SPATA6: variants seen among roughly 807,000 people sequenced by gnomAD.
The protein encoded by SPATA6 is spermatogenesis associated 6, also known as spermatogenesis-associated protein 6.
SPATA6 carries 56 observed loss-of-function variants against 65.3 expected under a neutral mutation model. The ratio of observed to expected loss-of-function variants is 0.86; its 90% CI spans 0.69 to 1.07. The LOEUF is 1.07. SPATA6 is among the 50% of genes least tolerant of loss of function. SPATA6 has a pLI of 0.00. For synonymous variants in SPATA6, 199 were observed against 213.2 expected, an observed-to-expected ratio of 0.93 and a Z score of 0.58; for missense variants, 590 against 594.8, an observed-to-expected ratio of 0.99 and a Z score of 0.08.
intron 12 of SPATA6, 128 bp from the exon 13 acceptor site, chr1:48,299,021 A>G: frequency 1.1e-6 from 1 of 878,146 alleles, no homozygotes; most frequent in Non-Finnish European, 1.6e-6. Flanking sequence ...GAAAAATAAA[A>G]CAGAGTAAGG....
chr1:48,468,537 A>G (rs1222914198), intron 1 of SPATA6, among the ~76,000 whole-genome samples: 2 of 152,176 alleles, frequency 1.3e-5, no homozygotes, highest in Admixed American at 1.3e-4. Context: ...CATTTCCATC[A>G]TCTCCTATAC....
the SPATA6 span, among the ~76,000 whole-genome samples, chr1:48,278,696 C>T: frequency 1.3e-5 from 2 of 152,318 alleles, no homozygotes; most frequent in South Asian, 2.1e-4. Context: ...AAGACCGAAT[C>T]TACATCTGAT....
intron 1 of SPATA6, among the ~76,000 whole-genome samples, chr1:48,454,022 T>C (rs1238747097): frequency 6.6e-6 from 1 of 151,096 alleles, no homozygotes; most frequent in Non-Finnish European, 1.5e-5. Flanking sequence ...TTTTTTTTTT[T>C]AGATGGGGTC....
intron 3 of SPATA6, among the ~76,000 whole-genome samples, chr1:48,423,696 C>T (rs913133192): frequency 5.3e-5 from 8 of 151,320 alleles, no homozygotes; most frequent in Non-Finnish European, 1.0e-4. Flanking sequence ...TATAGGCATC[C>T]GCCACCATGC....
intron 3 of SPATA6, chr1:48,436,655 A>G: frequency 6.2e-7 from 1 of 1,614,216 alleles, no homozygotes; most frequent in South Asian, 1.1e-5. Context: ...ACATCAGTGC[A>G]GCCGTGGCTG....
At chr1:48,268,303 T>A in the SPATA6 span, among the ~76,000 whole-genome samples, 23 of 91,494 alleles carry the variant, frequency 2.5e-4, no homozygotes, top group East Asian at 5.2e-3. Flanking sequence ...AAAATAAAAA[T>A]ATGTGTGTGT....
chr1:48,442,716 G>GA (rs1655620804), intron 3 of SPATA6, among the ~76,000 whole-genome samples: 2 of 29,462 alleles, frequency 6.8e-5, no homozygotes, highest in African/African-American at 1.2e-4. Context: ...GATGGAAGTA[G>GA]TAAAAAAAAA....
At chr1:48,463,086 C>A (rs1303172804) in intron 1 of SPATA6, among the ~76,000 whole-genome samples, 2 of 152,116 alleles carry the variant, frequency 1.3e-5, no homozygotes, top group Non-Finnish European at 2.9e-5. Context: ...GGTTCTCAGG[C>A]CTTTGTACTC....
chr1:48,441,619 C>T (rs1433088635), intron 3 of SPATA6, among the ~76,000 whole-genome samples: 1 of 151,948 alleles, frequency 6.6e-6, no homozygotes, highest in African/African-American at 2.4e-5. Context: ...CTAAGCCTTC[C>T]CATAGGACAA....
chr1:48,465,212 G>A (rs1403278803), intron 1 of SPATA6, among the ~76,000 whole-genome samples: 1 of 152,080 alleles, frequency 6.6e-6, no homozygotes, highest in Non-Finnish European at 1.5e-5. Flanking sequence ...TCCAAGATTG[G>A]AGTTAAGCAG....
chr1:48,442,275 G>C (rs1655564646), intron 3 of SPATA6, among the ~76,000 whole-genome samples: 1 of 152,198 alleles, frequency 6.6e-6, no homozygotes, highest in Non-Finnish European at 1.5e-5. Context: ...AAGAATAAAA[G>C]TGTACACGGA....
At chr1:48,438,333 TA>T (rs1655139219) in intron 3 of SPATA6, among the ~76,000 whole-genome samples, 1 of 152,188 alleles carries the variant, frequency 6.6e-6, no homozygotes, top group Non-Finnish European at 1.5e-5. Context: ...TATTCTGTCC[TA>T]TTTTTCCTTA....
chr1:48,298,958 A>T, intron 12 of SPATA6, 65 bp from the exon 13 acceptor site: 1 of 1,489,500 alleles, frequency 6.7e-7, no homozygotes. Flanking sequence ...GTACTATGTA[A>T]ATCAAATATT....
chr1:48,372,929 G>C (rs1286923382), intron 9 of SPATA6, among the ~76,000 whole-genome samples: 1 of 152,194 alleles, frequency 6.6e-6, no homozygotes, highest in Non-Finnish European at 1.5e-5. Context: ...ACACAGCACA[G>C]GGACCCTGGG....
At chr1:48,305,134 G>T (rs1036375078) in intron 12 of SPATA6, among the ~76,000 whole-genome samples, 4 of 152,168 alleles carry the variant, frequency 2.6e-5, no homozygotes, top group African/African-American at 9.7e-5. Context: ...CGAGAGTAAA[G>T]ATCAGAGATT....
intron 9 of SPATA6, among the ~76,000 whole-genome samples, chr1:48,381,024 A>T (rs560010628): frequency 3.6e-4 from 55 of 152,302 alleles, no homozygotes; most frequent in African/African-American, 1.3e-3. Context: ...GATTCTCACA[A>T]GGAGCACACA....
chr1:48,270,722 G>C, the SPATA6 span, among the ~76,000 whole-genome samples: 4 of 148,906 alleles, frequency 2.7e-5, no homozygotes. Context: ...GTCAGAAGAA[G>C]AGGAAAAAAA....
chr1:48,431,080 T>C (rs1358404705), intron 3 of SPATA6, among the ~76,000 whole-genome samples: 1 of 152,106 alleles, frequency 6.6e-6, no homozygotes, highest in Non-Finnish European at 1.5e-5. Flanking sequence ...TGGGAAAAGA[T>C]ATTCCATGCA....
chr1:48,359,866 C>T (rs1260040426), intron 9 of SPATA6, 96 bp from the exon 10 acceptor site: 8 of 884,444 alleles, frequency 9.0e-6, no homozygotes, highest in African/African-American at 1.7e-5. Context: ...TAGTCATATG[C>T]ATGTGCACAC....
Sources: allele counts gnomAD v4.1 joint callset (sites outside exome capture counted in the v4.1 genomes callset), GRCh38; gene constraint gnomAD v4.1.1; transcripts MANE v1.5; gene names NCBI Gene and HGNC (gene_info 2026-07-23, HGNC 2026-07-21).